Variants in DOCK5 observed in about 807,000 individuals in gnomAD.
The protein encoded by DOCK5 is dedicator of cytokinesis 5, also known as dedicator of cytokinesis protein 5.
In DOCK5, 142 loss-of-function variants were observed where a neutral mutation model predicts 251.8. The ratio of observed to expected loss-of-function variants is 0.56; its 90% CI spans 0.49 to 0.65. The LOEUF (loss-of-function observed/expected upper bound fraction) is 0.65. Among genes scored for constraint, DOCK5 ranks in the 30% least tolerant of loss-of-function variants. The pLI is 0.00. For missense variants in DOCK5, 2,111 were observed against 2,312.3 expected (o/e 0.91, Z 1.79); for synonymous variants, 842 against 835.5 (o/e 1.01, Z -0.13).
At chr8:25,268,815 A>C (rs551592508) in intron 2 of DOCK5, 30 bp from the exon 3 acceptor site, 2 of 1,554,112 alleles carry the variant, frequency 1.3e-6, no homozygotes, top group East Asian at 4.7e-5. Flanking sequence ...GAAAACATAA[A>C]ATATTTTGTG....
intron 47 of DOCK5, among the ~76,000 whole-genome samples, chr8:25,403,054 G>A (rs961740670): frequency 6.6e-5 from 10 of 152,092 alleles, no homozygotes; most frequent in Non-Finnish European, 1.0e-4. Flanking sequence ...GAACTTGGCC[G>A]GTATTAGTGA....
intron 11 of DOCK5, among the ~76,000 whole-genome samples, chr8:25,307,467 T>C (rs1028046376): frequency 2.6e-5 from 4 of 152,286 alleles, no homozygotes; most frequent in East Asian, 3.9e-4. Context: ...CAGTCTGTCA[T>C]TGACAGAAAC....
At chr8:25,394,833 A>C (rs1008692800) in intron 44 of DOCK5, among the ~76,000 whole-genome samples, 4 of 152,060 alleles carry the variant, frequency 2.6e-5, no homozygotes, top group African/African-American at 9.7e-5. Context: ...GTATCTTACC[A>C]CTATTCCAAA....
intron 1 of DOCK5, among the ~76,000 whole-genome samples, chr8:25,197,335 G>A (rs959016081): frequency 8.5e-5 from 13 of 152,188 alleles, no homozygotes; most frequent in Non-Finnish European, 1.3e-4. Context: ...TCACTCAAAC[G>A]ATTGTCTGAA....
At chr8:25,313,647 G>C (rs1050339674) in intron 13 of DOCK5, among the ~76,000 whole-genome samples, 3 of 152,208 alleles carry the variant, frequency 2.0e-5, no homozygotes, top group Non-Finnish European at 2.9e-5. Context: ...AAAGGACAGG[G>C]ACTGGAAATT....
rs1305628035 is a variant in DOCK5 at position 25,408,174 on chromosome 8, A to C, written c.5265+20A>C. The C allele has an allele frequency of 6.4e-7, 1 of 1,553,156 alleles. No homozygotes were observed. ...TTGATGGTAAAAAACAGAAAAGAAA[A>C]AAAGAAATCTCTGGAGGCTTGCCCC... On this transcript the variant is annotated intron_variant, in intron 49 of 51. Coordinates refer to ENST00000276440, the MANE Select transcript of DOCK5 (RefSeq NM_024940.8).
intron 22 of DOCK5, 127 bp downstream of exon 22, chr8:25,336,500 T>G (rs1246652360): frequency 1.6e-6 from 2 of 1,265,492 alleles, no homozygotes; most frequent in Middle Eastern, 1.9e-4. Flanking sequence ...ATTTCAGAAC[T>G]GCAGGGCTGA....
At chr8:25,392,941 G>T (rs895383640) in intron 44 of DOCK5, 59 bp downstream of exon 44, 2 of 1,417,472 alleles carry the variant, frequency 1.4e-6, no homozygotes, top group African/African-American at 2.8e-5. Context: ...TATAATAACA[G>T]CCTTTGTTGA....
At chr8:25,301,869 C>T (rs1804774194) in intron 9 of DOCK5, among the ~76,000 whole-genome samples, 1 of 152,204 alleles carries the variant, frequency 6.6e-6, no homozygotes, top group Non-Finnish European at 1.5e-5. Context: ...ATAGTTGCCT[C>T]ATGGGCTTGT....
intron 1 of DOCK5, among the ~76,000 whole-genome samples, chr8:25,202,989 A>G (rs973974794): frequency 5.3e-5 from 8 of 152,324 alleles, no homozygotes; most frequent in Middle Eastern, 3.4e-3. Flanking sequence ...GTCTATAGAA[A>G]CACACATAGA....
In DOCK5 at chr8:25,368,648, C is replaced by T. The variant is rs767858537; in HGVS notation, c.3361C>T (p.Arg1121Trp). Residue 1121 changes from arginine to tryptophan, a missense_variant, in exon 33 of 52, where the codon CGG becomes TGG. Arg to Trp is a moderately radical substitution (Grantham distance 101). This residue lies in a region of DOCK5 where 1,717 missense variants were observed against 1,892.4 expected (regional missense o/e 0.91). Transcript: ENST00000276440. ...CACTCTGACCCCTGAAGTAGAGCTC[C>T]GGAAAGCCACAATCCCCATTTTCTT... ...EVTLTPEVEL[R>W]KATIPIFFDM... is the part of the protein sequence containing the mutation. The T allele has an allele frequency of 2.9e-5, 46 of 1,613,714 alleles. No homozygotes were observed. Among genetic ancestry groups the T allele is most frequent in the Non-Finnish European group, 3.6e-5 (42 of 1,179,856 alleles).
chr8:25,362,843 T>G (rs1800711127), intron 28 of DOCK5, among the ~76,000 whole-genome samples: 1 of 152,208 alleles, frequency 6.6e-6, no homozygotes, highest in Non-Finnish European at 1.5e-5. Context: ...ATCTTCCTTA[T>G]AGGGTCCTAC....
In DOCK5 at chr8:25,395,592, A is replaced by C; in HGVS notation, c.4577A>C (p.Asn1526Thr). Reference protein sequence around the residue: ...ENAIETMELTNERISNCVQQH... With the variant: ...ENAIETMELTTERISNCVQQH... ...GCCATCGAAACCATGGAGCTGACCA[A>C]CGAGAGGATCAGCAACTGTGTTCAG... Residue 1526 changes from asparagine to threonine, a missense_variant, in exon 45 of 52, where the codon AAC (asparagine) becomes ACC (threonine). Asn to Thr is a moderately conservative substitution (Grantham distance 65). Coordinates refer to ENST00000276440, the MANE Select transcript of DOCK5 (RefSeq NM_024940.8). 2 of 1,613,464 alleles carry C rather than the reference A, an allele frequency of 1.2e-6. No homozygotes were observed. The highest frequency in any genetic ancestry group is 2.2e-5 in the South Asian group (2 of 91,048).
At chr8:25,353,279 G>C (rs995940537) in intron 27 of DOCK5, among the ~76,000 whole-genome samples, 1 of 152,150 alleles carries the variant, frequency 6.6e-6, no homozygotes, top group Non-Finnish European at 1.5e-5. Flanking sequence ...GATCAAGGCT[G>C]CAATGAGCTA....
intron 1 of DOCK5, among the ~76,000 whole-genome samples, chr8:25,192,517 C>A (rs1554514190): frequency 6.6e-6 from 1 of 152,004 alleles, no homozygotes; most frequent in Non-Finnish European, 1.5e-5. Context: ...TTTTGTTTTT[C>A]TTTTAAGAGA....
chr8:25,360,033 A>T (rs919905142), intron 28 of DOCK5, among the ~76,000 whole-genome samples: 6 of 152,210 alleles, frequency 3.9e-5, no homozygotes, highest in African/African-American at 1.4e-4. Flanking sequence ...CTGGATTAGC[A>T]CACTGTTGTC....
intron 1 of DOCK5, among the ~76,000 whole-genome samples, chr8:25,201,039 T>G (rs1271129049): frequency 6.6e-6 from 1 of 152,196 alleles, no homozygotes; most frequent in Admixed American, 6.5e-5. Flanking sequence ...CCTGAGTAGC[T>G]GGGATTACAG....
chr8:25,362,962 G>T, intron 28 of DOCK5, 85 bp from the exon 29 acceptor site: 2 of 970,226 alleles, frequency 2.1e-6, no homozygotes, highest in Non-Finnish European at 3.3e-6. Context: ...CTGTTCTGAG[G>T]TTGTGGTTCT....
At position 25,414,909 on chromosome 8, in the gene DOCK5, C is replaced by CTTTTTTTTTTTTTTTTTTT. The variant is rs56338302; in HGVS notation, c.*3624_*3625insTTTTTTTTTTTTTTTTTTT. 2.3e-3 allele frequency: 222 copies of CTTTTTTTTTTTTTTTTTTT among 96,356 alleles called. No homozygotes were observed. The highest frequency in any genetic ancestry group is 3.1e-3 in the Non-Finnish European group (155 of 50,038). The allele number at this position is 96,356 out of a possible 1,614,324, so 6.0% of individuals were successfully genotyped here. A position where few individuals can be genotyped will look rare whatever the true frequency, so the allele number is the denominator to read the frequency against. On this transcript the variant is annotated 3_prime_UTR_variant, in exon 52 of 52. Coordinates refer to ENST00000276440, the MANE Select transcript of DOCK5 (RefSeq NM_024940.8). ...ATTTGTAGTCAGTCCCTGGGCCTGT[C>CTTTTTTTTTTTTTTTTTTT]TTTTTTTTTTTTTAATTTTGAAGCT...
Sources: gnomAD v4.1 joint callset for allele counts (sites outside exome capture counted in the v4.1 genomes callset) on GRCh38, gnomAD v4.1.1 for gene constraint, gnomAD v4.1.1 regional missense constraint, MANE v1.5 for transcripts, NCBI Gene and HGNC (gene_info 2026-07-23, HGNC 2026-07-21) for gene names.